PDE4D: variants seen among roughly 807,000 people sequenced by gnomAD.
PDE4D encodes 3',5'-cyclic-AMP phosphodiesterase 4D.
In PDE4D, 24 loss-of-function variants were observed where a neutral mutation model predicts 87.4. The ratio of observed to expected loss-of-function variants is 0.27; its 90% confidence interval spans 0.20 to 0.39. The LOEUF is 0.39. Ranked by LOEUF, PDE4D falls within the 10% of genes least tolerant of loss-of-function variation. The pLI, the probability that PDE4D is intolerant of heterozygous loss-of-function variation, is 1.00. For synonymous variants in PDE4D, 384 were observed against 383.2 expected (o/e 1.00, Z -0.02); for missense variants, 714 against 1,041.0 (o/e 0.69, Z 4.32).
At chr5:59,858,993 T>C (rs542301948) in intron 1 of PDE4D, among the ~76,000 whole-genome samples, 2 of 152,338 alleles carry the variant, frequency 1.3e-5, no homozygotes, top group South Asian at 2.1e-4. Context: ...TGAAGCAACA[T>C]GGGAATTTAT....
At chr5:59,477,304 TTAAC>T (rs546342694) in intron 1 of PDE4D, among the ~76,000 whole-genome samples, 2 of 143,540 alleles carry the variant, frequency 1.4e-5, no homozygotes, top group East Asian at 2.0e-4. Context: ...CTATAAAATA[TTAAC>T]TAACCTGCAC....
At chr5:60,324,287 AC>A (rs1756577171) in intron 1 of PDE4D, among the ~76,000 whole-genome samples, 1 of 152,248 alleles carries the variant, frequency 6.6e-6, no homozygotes, top group Admixed American at 6.5e-5. Context: ...TGTTTGTCTA[AC>A]ATTTTATTTT....
intron 5 of PDE4D, among the ~76,000 whole-genome samples, chr5:59,104,063 A>T (rs1476609999): frequency 6.6e-6 from 1 of 152,256 alleles, no homozygotes; most frequent in Non-Finnish European, 1.5e-5. Flanking sequence ...CAAAAATGTT[A>T]GCTGAATTAA....
chr5:59,176,313 G>C (rs906411270), intron 5 of PDE4D, among the ~76,000 whole-genome samples: 3 of 152,124 alleles, frequency 2.0e-5, no homozygotes, highest in Non-Finnish European at 4.4e-5. Flanking sequence ...AGCATTTTGG[G>C]AGGCCAAGGT....
chr5:59,586,531 A>G, intron 1 of PDE4D: 1 of 1,411,968 alleles, frequency 7.1e-7, no homozygotes, highest in Non-Finnish European at 9.2e-7. Context: ...ATCTCCCCCC[A>G]CCAATAAAAA....
chr5:59,854,280 G>C (rs1745094278), intron 1 of PDE4D, among the ~76,000 whole-genome samples: 1 of 144,378 alleles, frequency 6.9e-6, no homozygotes, highest in Admixed American at 6.6e-5. Flanking sequence ...ATGTTATCTT[G>C]ACATTTTTTA....
At chr5:60,481,785 T>C (rs923148193) in intron 1 of PDE4D, among the ~76,000 whole-genome samples, 2 of 152,190 alleles carry the variant, frequency 1.3e-5, no homozygotes, top group African/African-American at 4.8e-5. Flanking sequence ...TATTAAATCA[T>C]AGCAATCTCT....
intron 1 of PDE4D, among the ~76,000 whole-genome samples, chr5:59,718,293 T>TA (rs1339591293): frequency 6.6e-6 from 1 of 152,214 alleles, no homozygotes; most frequent in Non-Finnish European, 1.5e-5. Flanking sequence ...ACTATACTGA[T>TA]ATGTTTACAC....
intron 6 of PDE4D, among the ~76,000 whole-genome samples, chr5:59,036,147 TG>T (rs1422364034): frequency 1.3e-5 from 2 of 152,236 alleles, no homozygotes; most frequent in African/African-American, 4.8e-5. Flanking sequence ...GTTTGTTAAA[TG>T]GGTTTGAGGA....
At chr5:59,074,714 G>A (rs537810628) in intron 5 of PDE4D, among the ~76,000 whole-genome samples, 4 of 152,242 alleles carry the variant, frequency 2.6e-5, no homozygotes, top group South Asian at 4.1e-4. Context: ...AGCCAAGATC[G>A]TACCACTTCA....
At chr5:59,224,801 A>G (rs998326756) in intron 1 of PDE4D, among the ~76,000 whole-genome samples, 28 of 152,172 alleles carry the variant, frequency 1.8e-4, no homozygotes, top group African/African-American at 6.8e-4. Flanking sequence ...TCACCATGTG[A>G]GGACAGAGTG....
At chr5:60,180,411 G>A (rs1247543165) in intron 2 of PDE4D, among the ~76,000 whole-genome samples, 1 of 152,020 alleles carries the variant, frequency 6.6e-6, no homozygotes, top group Non-Finnish European at 1.5e-5. Flanking sequence ...ACTAAACAGG[G>A]TGCCCACAAC....
intron 1 of PDE4D, among the ~76,000 whole-genome samples, chr5:59,300,075 G>A (rs1769900257): frequency 8.1e-6 from 1 of 123,062 alleles, no homozygotes; most frequent in Non-Finnish European, 1.6e-5. Context: ...TCACACCACT[G>A]CACTCCAGCC....
At chr5:60,495,572 A>G (rs962612584) in intron 1 of PDE4D, among the ~76,000 whole-genome samples, 1 of 152,264 alleles carries the variant, frequency 6.6e-6, no homozygotes, top group African/African-American at 2.4e-5. Context: ...CAAATTTTCA[A>G]TGCTTGCTAG....
intron 2 of PDE4D, among the ~76,000 whole-genome samples, chr5:60,063,696 G>A (rs1026642917): frequency 6.6e-6 from 1 of 152,086 alleles, no homozygotes; most frequent in African/African-American, 2.4e-5. Flanking sequence ...AAATATTTAA[G>A]TGCTAAATAA....
intron 1 of PDE4D, among the ~76,000 whole-genome samples, chr5:60,419,567 T>C (rs1391272129): frequency 1.3e-5 from 2 of 151,922 alleles, no homozygotes; most frequent in East Asian, 1.9e-4. Context: ...CTATAGCCTT[T>C]GAATTTTATT....
chr5:59,696,032 T>A (rs1751733535), intron 1 of PDE4D, among the ~76,000 whole-genome samples: 1 of 152,234 alleles, frequency 6.6e-6, no homozygotes, highest in South Asian at 2.1e-4. Flanking sequence ...TGTCTTCTTT[T>A]TAAAATGAGA....
At chr5:60,032,728 C>T (rs1433708972) in intron 2 of PDE4D, 1 of 152,102 alleles carries the variant, frequency 6.6e-6, no homozygotes, top group African/African-American at 2.4e-5. Flanking sequence ...GAGCTTTCCA[C>T]ATAGTTATTA....
At position 60,199,369 on chromosome 5, in the gene PDE4D, C is replaced by T. The variant is rs912842343; in HGVS notation, c.-89-13682G>A. Among the ~76,000 whole-genome samples the T allele has an allele frequency of 4.6e-5, 7 of 151,836 alleles. 1 individual carries two copies. Among genetic ancestry groups the T allele is most frequent in the African/African-American group, 1.7e-4 (7 of 41,496 alleles). On this transcript the variant is annotated intron_variant, in intron 1 of 16. Transcript: ENST00000502484. ...ACTGGAGCCTGTGCTGAATCATTGC[C>T]ATTTGTGTGGCACCCATCTGGCACC...
Sources: allele counts gnomAD v4.1 joint callset (sites outside exome capture counted in the v4.1 genomes callset), GRCh38; gene constraint gnomAD v4.1.1; transcripts MANE v1.5; gene names NCBI Gene and HGNC (gene_info 2026-07-23, HGNC 2026-07-21).